SPAG9: variants seen among roughly 807,000 people sequenced by gnomAD.
SPAG9 encodes the protein C-Jun-amino-terminal kinase-interacting protein 4.
Under a neutral mutation model 166.5 loss-of-function variants are expected in SPAG9, and 35 were observed. The observed-to-expected ratio is 0.21, with a 90% CI of 0.16 to 0.28. The LOEUF is 0.28. Ranked by LOEUF, SPAG9 falls within the 10% of genes least tolerant of loss-of-function variation. The pLI is 1.00. For synonymous variants in SPAG9, 534 were observed against 565.5 expected (o/e 0.94, Z 0.79); for missense variants, 1,235 against 1,603.3 (o/e 0.77, Z 3.92).
chr17:51,071,494 A>G (rs1206341025), intron 2 of SPAG9, among the ~76,000 whole-genome samples: 1 of 152,226 alleles, frequency 6.6e-6, no homozygotes, highest in Non-Finnish European at 1.5e-5. Flanking sequence ...ATTTTAAAAA[A>G]TCCTTTATTC....
chr17:51,084,728 C>T (rs1169737949), intron 1 of SPAG9, among the ~76,000 whole-genome samples: 1 of 152,136 alleles, frequency 6.6e-6, no homozygotes, highest in Non-Finnish European at 1.5e-5. Context: ...TTATATTAGG[C>T]ACCTCTTGTG....
chr17:51,109,115 G>T (rs1002339295), intron 1 of SPAG9, among the ~76,000 whole-genome samples: 1 of 151,810 alleles, frequency 6.6e-6, no homozygotes. Context: ...GCCCGCCTCA[G>T]ACTCCCCAAG....
chr17:51,063,447 T>C (rs1408912955), intron 2 of SPAG9, among the ~76,000 whole-genome samples: 5 of 151,840 alleles, frequency 3.3e-5, no homozygotes, highest in African/African-American at 1.2e-4. Flanking sequence ...TGACCACGTC[T>C]ATCTTTTCGC....
intron 2 of SPAG9, among the ~76,000 whole-genome samples, chr17:51,078,610 C>T (rs1460587449): frequency 6.6e-6 from 1 of 151,762 alleles, no homozygotes; most frequent in Non-Finnish European, 1.5e-5. Flanking sequence ...TAAAGTTTCT[C>T]ACCTTTTTTT....
Position 51,120,792 on chromosome 17 carries a change from C to T in SPAG9, c.-136G>A, listed in dbSNP as rs1201901473. Reference sequence around the variant, plus strand: ...GGGCCGGGGCTGGGGCTGGGCCCGGCGGGGTGGGGGCCGGGGCCGGAGGAG... The same window carrying T: ...GGGCCGGGGCTGGGGCTGGGCCCGGTGGGGTGGGGGCCGGGGCCGGAGGAG... On this transcript the variant is annotated 5_prime_UTR_variant, in exon 1 of 30. Transcript: ENST00000262013. The surrounding 1 kb of genome is among the most constrained non-coding windows in gnomAD (Gnocchi z 4.7). 15 of 628,498 alleles carry T rather than the reference C, an allele frequency of 2.4e-5. No individual in the cohort carries two copies. The Admixed American group carries it at 5.6e-4, about 24-fold the overall frequency. The allele number at this position is 628,498 out of a possible 1,614,324, so 38.9% of individuals were successfully genotyped here. A position where few individuals can be genotyped will look rare whatever the true frequency, so the allele number is the denominator to read the frequency against.
intron 3 of SPAG9, 118 bp downstream of exon 3, chr17:51,056,294 C>T: frequency 3.0e-6 from 2 of 671,038 alleles, no homozygotes; most frequent in South Asian, 3.4e-5. Flanking sequence ...TGAAAGAATC[C>T]CCAAGAATTA....
At chr17:51,070,478 C>A (rs577832549) in intron 2 of SPAG9, among the ~76,000 whole-genome samples, 150 of 152,134 alleles carry the variant, frequency 9.9e-4, no homozygotes, top group South Asian at 5.0e-3. Context: ...AAGAAAACTA[C>A]CAATAGAAGG....
chr17:51,060,851 T>G (rs2047492076), intron 2 of SPAG9, among the ~76,000 whole-genome samples: 5 of 151,352 alleles, frequency 3.3e-5, no homozygotes, highest in Admixed American at 2.6e-4. Context: ...TTTTTTGTTT[T>G]TTTTTTTTTT....
At chr17:51,021,496 C>T (rs760055498) in intron 6 of SPAG9, 131 bp from the exon 7 acceptor site, 7 of 665,696 alleles carry the variant, frequency 1.1e-5, no homozygotes, top group Admixed American at 6.0e-5. Context: ...AATAAAGAGC[C>T]ACTGATTACC....
intron 6 of SPAG9, among the ~76,000 whole-genome samples, chr17:51,024,451 C>T (rs1375960312): frequency 3.3e-5 from 5 of 152,030 alleles, no homozygotes; most frequent in Middle Eastern, 3.4e-3. Context: ...TTTGGCCAAG[C>T]GTGGTGGCTC....
intron 9 of SPAG9, 56 bp from the exon 10 acceptor site, chr17:51,007,382 C>T (rs1197281639): frequency 1.1e-6 from 1 of 925,084 alleles, no homozygotes; most frequent in Non-Finnish European, 1.6e-6. Context: ...TAATTATATA[C>T]ATTTAAAATA....
At position 51,000,124 on chromosome 17, in the gene SPAG9, T is replaced by C. The variant is rs79812934; in HGVS notation, c.1608-407A>G. ...TACTCGGAGCTCTCACAAAATAGCT[T>C]GAAACTTTGGCATCCTGAGGGGTCA... On this transcript the variant is annotated intron_variant, in intron 13 of 29. Coordinates refer to ENST00000262013, the MANE Select transcript of SPAG9 (RefSeq NM_001130528.3). 8.9e-3 allele frequency among the ~76,000 whole-genome samples: 1,348 copies of C among 152,282 alleles called. 16 individuals are homozygous for C. Among genetic ancestry groups the C allele is most frequent in the African/African-American group, 0.031 (1,307 of 41,546 alleles).
chr17:50,962,659 G>A lies in SPAG9; in HGVS notation c.*3613C>T, dbSNP rs1191813883. Reference sequence around the variant, plus strand: ...AAATCTGGTTGAGTCCTTTGGTAACGGTCATAATACTCACAAGGAAATAAA... The same window carrying A: ...AAATCTGGTTGAGTCCTTTGGTAACAGTCATAATACTCACAAGGAAATAAA... On this transcript the variant is annotated 3_prime_UTR_variant, in exon 30 of 30. Coordinates refer to ENST00000262013, the MANE Select transcript of SPAG9 (RefSeq NM_001130528.3). 18 of 152,080 alleles carry A rather than the reference G, an allele frequency of 1.2e-4. No individual in the cohort carries two copies. The highest frequency in any genetic ancestry group is 1.1e-3 in the Admixed American group (17 of 15,270). 9.4% of individuals were successfully genotyped at this position (152,080 alleles called of 1,614,324 possible). A position where few individuals can be genotyped will look rare whatever the true frequency, so the allele number is the denominator to read the frequency against.
chr17:51,083,014 C>T (rs2048209506), intron 1 of SPAG9, among the ~76,000 whole-genome samples: 2 of 152,150 alleles, frequency 1.3e-5, no homozygotes, highest in Non-Finnish European at 2.9e-5. Context: ...CAGGCCTAGG[C>T]TGCAGACTGA....
intron 3 of SPAG9, 127 bp from the exon 4 acceptor site, chr17:51,047,596 G>A (rs567142311): frequency 7.6e-6 from 3 of 393,554 alleles, no homozygotes; most frequent in South Asian, 8.9e-5. Context: ...TTCCAAGTAA[G>A]AGAATATTAA....
intron 10 of SPAG9, 31 bp from the exon 11 acceptor site, chr17:51,006,268 A>G (rs1056711851): frequency 1.3e-6 from 2 of 1,599,642 alleles, no homozygotes; most frequent in African/African-American, 2.7e-5. Context: ...GTGCATCATT[A>G]CAAATAAATA....
intron 4 of SPAG9, among the ~76,000 whole-genome samples, chr17:51,044,463 T>C (rs35634431): frequency 0.13 from 20,440 of 152,246 alleles, 1,494 homozygotes; most frequent in Non-Finnish European, 0.16. Flanking sequence ...AGTTGGTTAT[T>C]AAATGTTAGC....
At chr17:51,034,776 G>A (rs1357927947) in intron 5 of SPAG9, among the ~76,000 whole-genome samples, 1 of 152,118 alleles carries the variant, frequency 6.6e-6, no homozygotes, top group Non-Finnish European at 1.5e-5. Flanking sequence ...GAAAGTTTGA[G>A]CAGAAACAGG....
intron 24 of SPAG9, 82 bp from the exon 25 acceptor site, chr17:50,982,754 T>C: frequency 1.6e-6 from 2 of 1,244,906 alleles, no homozygotes; most frequent in Non-Finnish European, 2.2e-6. Context: ...ATTTGTTGTA[T>C]AATTAAATTT....
Sources: gnomAD v4.1 joint callset for allele counts (sites outside exome capture counted in the v4.1 genomes callset) on GRCh38, gnomAD v4.1.1 for gene constraint, Gnocchi (gnomAD v3.1) non-coding constraint, MANE v1.5 for transcripts, NCBI Gene and HGNC (gene_info 2026-07-23, HGNC 2026-07-21) for gene names.